The following DYNC2H1 variants were observed in gnomAD, a reference collection of about 807,000 sequenced individuals.
The protein encoded by DYNC2H1 is dynein cytoplasmic 2 heavy chain 1.
A neutral mutation model predicts 570.0 loss-of-function variants in DYNC2H1; 410 were observed. The observed-to-expected ratio is 0.72, with a 90% CI of 0.66 to 0.78. The LOEUF (loss-of-function observed/expected upper bound fraction) is 0.78, where lower values mean the gene tolerates loss of function less well. Among genes scored for constraint, DYNC2H1 ranks in the 30% least tolerant of loss-of-function variants. The pLI is 0.00. For missense variants in DYNC2H1, 4,865 were observed against 5,046.4 expected (o/e 0.96, Z 1.09); for synonymous variants, 1,688 against 1,677.6 (o/e 1.01, Z -0.15).
chr11:103,405,826 T>A (rs1264887031), intron 84 of DYNC2H1: 1 of 151,912 alleles, frequency 6.6e-6, no homozygotes, highest in Non-Finnish European at 1.5e-5. Context: ...CAATCAATGA[T>A]TGATGAACGT....
intron 52 of DYNC2H1, among the ~76,000 whole-genome samples, chr11:103,206,169 T>C (rs1477021390): frequency 2.0e-5 from 3 of 152,088 alleles, no homozygotes; most frequent in Non-Finnish European, 2.9e-5. Flanking sequence ...AACAACAGGA[T>C]TTGCTGACAG....
intron 21 of DYNC2H1, 50 bp from the exon 22 acceptor site, chr11:103,153,253 A>G: frequency 6.9e-7 from 1 of 1,448,196 alleles, no homozygotes; most frequent in South Asian, 1.5e-5. Flanking sequence ...TATGAACCCA[A>G]AATGAAATTT....
intron 59 of DYNC2H1, among the ~76,000 whole-genome samples, chr11:103,230,294 G>C (rs572201030): frequency 6.6e-6 from 1 of 152,294 alleles, no homozygotes; most frequent in African/African-American, 2.4e-5. Flanking sequence ...TGGAAGCCCT[G>C]AGTGTGTGGC....
intron 84 of DYNC2H1, among the ~76,000 whole-genome samples, chr11:103,434,700 T>G (rs2135750165): frequency 6.6e-6 from 1 of 152,260 alleles, no homozygotes; most frequent in East Asian, 1.9e-4. Flanking sequence ...TATTTTTAGC[T>G]TAAAAGTGTG....
intron 77 of DYNC2H1, among the ~76,000 whole-genome samples, chr11:103,306,977 G>A (rs11225676): frequency 0.051 from 7,813 of 152,184 alleles, 254 homozygotes; most frequent in Non-Finnish European, 0.075. Flanking sequence ...AAATGACATG[G>A]GTCATTAAAT....
intron 55 of DYNC2H1, among the ~76,000 whole-genome samples, chr11:103,216,254 T>C (rs1863379283): frequency 6.6e-6 from 1 of 152,198 alleles, no homozygotes; most frequent in Non-Finnish European, 1.5e-5. Flanking sequence ...AATGTTTTTA[T>C]TCTTTCAGTA....
intron 70 of DYNC2H1, among the ~76,000 whole-genome samples, chr11:103,274,978 C>T (rs903337302): frequency 5.3e-5 from 8 of 151,972 alleles, no homozygotes; most frequent in Admixed American, 2.6e-4. Flanking sequence ...ACCTATAATC[C>T]CAACTACTGG....
chr11:103,191,612 A>G lies in DYNC2H1; in HGVS notation c.7533A>G (p.Leu2511=). The change falls in exon 46 of 89, where the codon TTA becomes TTG. Residue 2511 remains leucine (L), a synonymous_variant. Coordinates refer to ENST00000375735, the MANE Select transcript of DYNC2H1 (RefSeq NM_001377.3). ...TTCTTGGCTTATTTAGATATGATTT[A>G]GAAGGAGGTGAGTTTTGCTAGTGTG... is the stretch of plus-strand genomic sequence containing the variant. The part of the protein sequence containing the change: ...QWVLGLFRYD[L]EGGSSNHPLD... 1 of 1,604,302 alleles carries G rather than the reference A, an allele frequency of 6.2e-7. No individual in the cohort carries two copies.
At chr11:103,306,783 G>A (rs1459724075) in intron 77 of DYNC2H1, among the ~76,000 whole-genome samples, 1 of 151,980 alleles carries the variant, frequency 6.6e-6, no homozygotes, top group Non-Finnish European at 1.5e-5. Context: ...AACTTCTTCT[G>A]TCATTTATTT....
In DYNC2H1 at chr11:103,304,712, C is replaced by G. The variant is rs1565479985; in HGVS notation, c.11374C>G (p.Leu3792Val). ...LHLVVSWLPVLEKELNTLQPK... is the reference protein window; with the variant it reads ...LHLVVSWLPVVEKELNTLQPK... ...TCTTGTGGTATCTTGGCTGCCAGTT[C>G]TGGAAAAGGTAGATTCAGATAAATG... Residue 3792 changes from leucine (L) to valine (V), a missense_variant, in exon 77 of 89, where the codon CTG (leucine) becomes GTG (valine). This residue lies in a region of DYNC2H1 where 2,401 missense variants were observed against 2,454.6 expected (regional missense o/e 0.98). Transcript: ENST00000375735. 1 of 1,611,394 alleles carries G rather than the reference C, an allele frequency of 6.2e-7. No homozygotes were observed. Among genetic ancestry groups the G allele is most frequent in the Non-Finnish European group, 8.5e-7 (1 of 1,178,736 alleles).
In DYNC2H1 at chr11:103,261,677, A is replaced by C. The variant is rs1865292854; in HGVS notation, c.10695+1700A>C. ...ACATCAACAAAAAGGACATCTATACAAAAACCCCATCCGAAGGTCACCAAG... is the reference window on the plus strand; with the variant it reads ...ACATCAACAAAAAGGACATCTATACCAAAACCCCATCCGAAGGTCACCAAG... On this transcript the variant is annotated intron_variant, in intron 70 of 88. Transcript: ENST00000375735. The surrounding 1 kb of genome is among the most constrained non-coding windows in gnomAD (Gnocchi z 4.8). Among the ~76,000 whole-genome samples the C allele has an allele frequency of 6.6e-6, 1 of 152,194 alleles. No homozygotes were observed. The highest frequency in any genetic ancestry group is 1.5e-5 in the Non-Finnish European group (1 of 68,018).
intron 29 of DYNC2H1, 87 bp from the exon 30 acceptor site, chr11:103,162,941 G>T: frequency 2.5e-6 from 3 of 1,209,964 alleles, no homozygotes; most frequent in Non-Finnish European, 3.4e-6. Context: ...AGAGTTAGTA[G>T]ATTGTATATT....
chr11:103,179,227 T>G lies in DYNC2H1; in HGVS notation c.6341T>G (p.Phe2114Cys). 1 of 1,612,626 alleles carries G rather than the reference T, an allele frequency of 6.2e-7. No homozygotes were observed. Among genetic ancestry groups the G allele is most frequent in the Non-Finnish European group, 8.5e-7 (1 of 1,178,958 alleles). ...ACAATATCTAGAATGGGAATGATCT[T>G]TCTTAGGTAAGCCATAGATTATTTA... ...PATISRMGMI[F>C]LSDEETDLNS... The change falls in exon 39 of 89, where the codon TTT becomes TGT. Residue 2114 changes from phenylalanine to cysteine, a missense_variant. Phe to Cys is a radical substitution (Grantham distance 205). This residue lies in a region of DYNC2H1 where 231 missense variants were observed against 310.3 expected (regional missense o/e 0.74). Coordinates refer to ENST00000375735, the MANE Select transcript of DYNC2H1 (RefSeq NM_001377.3).
rs965787375 is a variant in DYNC2H1 at position 103,204,350 on chromosome 11, T to C, written c.8312-472T>C. The stretch of plus-strand genomic sequence containing the variant: ...GCAAAATTTTAGCAAACAGGAATGA[T>C]GAAAGTATGGTAATGTTCTTTGGAA... On this transcript the variant is annotated intron_variant, in intron 51 of 88. Transcript: ENST00000375735. The surrounding 1 kb of genome is among the most constrained non-coding windows in gnomAD (Gnocchi z 4.1). 1.3e-5 allele frequency among the ~76,000 whole-genome samples: 2 copies of C among 152,204 alleles called. No homozygotes were observed. Among genetic ancestry groups the C allele is most frequent in the African/African-American group, 4.8e-5 (2 of 41,462 alleles).
chr11:103,187,779 G>A lies in DYNC2H1; in HGVS notation c.7140+193G>A, dbSNP rs187702148. On this transcript the variant is annotated intron_variant, in intron 43 of 88. Coordinates refer to ENST00000375735, the MANE Select transcript of DYNC2H1 (RefSeq NM_001377.3). ...TCCTTTCTTTAGAAGTTAGTATTAC[G>A]TCAGGATAATACATGACAGGGAGAA... Among the ~76,000 whole-genome samples the A allele has an allele frequency of 1.8e-4, 28 of 152,090 alleles. No individual in the cohort carries two copies. The East Asian group carries it at 3.3e-3, about 18-fold the overall frequency.
rs1938068451 is a variant in DYNC2H1 at position 103,319,774 on chromosome 11, A to T, written c.11726-1255A>T. On this transcript the variant is annotated intron_variant, in intron 80 of 88. Coordinates refer to ENST00000375735, the MANE Select transcript of DYNC2H1 (RefSeq NM_001377.3). This position sits in a 1 kb window ranked among gnomAD's most constrained non-coding sequence, Gnocchi z 4.3. ...ACTAATATGTCTGTATTCCTTAATG[A>T]CTTATCAATGACTGGCTAACTTATC... 6.6e-6 allele frequency among the ~76,000 whole-genome samples: 1 copy of T among 152,156 alleles called. No homozygotes were observed. Among genetic ancestry groups the T allele is most frequent in the Admixed American group, 6.5e-5 (1 of 15,276 alleles).
chr11:103,378,909 C>G (rs1591652005), intron 83 of DYNC2H1, among the ~76,000 whole-genome samples: 1 of 152,204 alleles, frequency 6.6e-6, no homozygotes, highest in East Asian at 1.9e-4. Flanking sequence ...TCAGAGTATT[C>G]TTTGTCTCTG....
chr11:103,125,331 G>C, intron 12 of DYNC2H1, 36 bp downstream of exon 12: 1 of 1,418,170 alleles, frequency 7.1e-7, no homozygotes. Flanking sequence ...CTGCCTATTT[G>C]GAGTTCATTA....
intron 82 of DYNC2H1, among the ~76,000 whole-genome samples, chr11:103,331,943 A>C (rs1318411531): frequency 2.6e-5 from 4 of 151,904 alleles, no homozygotes; most frequent in African/African-American, 7.2e-5. Flanking sequence ...GCCTGTAGTC[A>C]CAGCTACTCA....
Sources: allele counts gnomAD v4.1 joint callset (sites outside exome capture counted in the v4.1 genomes callset), GRCh38; gene constraint gnomAD v4.1.1; regional missense constraint gnomAD v4.1.1; non-coding constraint Gnocchi (gnomAD v3.1); transcripts MANE v1.5; gene names NCBI Gene and HGNC (gene_info 2026-07-23, HGNC 2026-07-21).